CELSR1: variants seen among roughly 807,000 people sequenced by gnomAD.
CELSR1 encodes the protein cadherin EGF LAG seven-pass G-type receptor 1.
A neutral mutation model predicts 249.1 loss-of-function variants in CELSR1; 110 were observed. That is an observed-to-expected ratio of 0.44 (90% CI 0.38 to 0.52). CELSR1 has a LOEUF of 0.52. CELSR1 is among the 20% of genes least tolerant of loss of function. The probability of loss-of-function intolerance (pLI) is 0.00; values close to 1 mark genes in which losing one functional copy is unlikely to be tolerated. For missense variants in CELSR1, 4,109 were observed against 4,296.4 expected (o/e 0.96, Z 1.22); for synonymous variants, 2,113 against 1,900.0 (o/e 1.11, Z -2.92).
Position 46,389,472 on chromosome 22 carries a change from G to C in CELSR1, c.6373C>G (p.Gln2125Glu). Residue 2125 changes from glutamine (Q) to glutamate (E), a missense_variant, in exon 18 of 35, where the codon CAG (glutamine) becomes GAG (glutamate). Gln to Glu is a conservative substitution (Grantham distance 29, BLOSUM62 2). This residue lies in a region of CELSR1 where 1,805 missense variants were observed against 1,831.6 expected (regional missense o/e 0.99). Coordinates refer to ENST00000674500, the MANE Select transcript of CELSR1 (RefSeq NM_001378328.1). ...MNEKLSRNETQVDGARALQLV... is the reference protein window; with the variant it reads ...MNEKLSRNETEVDGARALQLV... ...TGCAGGGCCCTGGCGCCGTCCACCT[G>C]CGTCTCATTGCGGCTCAGCTTCTCA... 3 of 1,613,304 alleles carry C rather than the reference G, an allele frequency of 1.9e-6. No homozygotes were observed. The highest frequency in any genetic ancestry group is 1.7e-6 in the Non-Finnish European group (2 of 1,180,010).
At chr22:46,463,005 T>C (rs917515464) in intron 2 of CELSR1, 19 of 413,752 alleles carry the variant, frequency 4.6e-5, no homozygotes, top group African/African-American at 3.2e-4. Flanking sequence ...TCCACTGTTT[T>C]ACGCTAACCA....
Position 46,472,112 on chromosome 22 carries a change from C to T in CELSR1, c.3545-7767G>A, listed in dbSNP as rs748159255. On this transcript the variant is annotated intron_variant, in intron 1 of 34. Coordinates refer to ENST00000674500, the MANE Select transcript of CELSR1 (RefSeq NM_001378328.1). The surrounding 1 kb of genome is among the most constrained non-coding windows in gnomAD (Gnocchi z 7.0). ...GATCAAGTGCCATCCCCTGCTTTCCCGGGAAGGGTGAGTCACCTCATTGTG... is the reference window on the plus strand; with the variant it reads ...GATCAAGTGCCATCCCCTGCTTTCCTGGGAAGGGTGAGTCACCTCATTGTG... Among the ~76,000 whole-genome samples the T allele has an allele frequency of 6.6e-6, 1 of 152,144 alleles. No individual in the cohort carries two copies. Among genetic ancestry groups the T allele is most frequent in the Non-Finnish European group, 1.5e-5 (1 of 68,034 alleles).
At chr22:46,461,197 G>A (rs1345984098) in intron 2 of CELSR1, among the ~76,000 whole-genome samples, 1 of 152,174 alleles carries the variant, frequency 6.6e-6, no homozygotes, top group Non-Finnish European at 1.5e-5. Flanking sequence ...GAAATAATCA[G>A]TCTTAATTAG....
chr22:46,469,903 A>AC (rs2080136332), intron 1 of CELSR1, among the ~76,000 whole-genome samples: 4 of 67,400 alleles, frequency 5.9e-5, no homozygotes, highest in African/African-American at 2.3e-4. Context: ...TTCCTGCTGC[A>AC]TCCGTCACAT....
Position 46,436,423 on chromosome 22 carries a change from G to C in CELSR1, c.4407-134C>G, listed in dbSNP as rs1487144792. 4 of 626,528 alleles carry C rather than the reference G, an allele frequency of 6.4e-6. No individual in the cohort carries two copies. The Admixed American group carries it at 1.1e-4, about 17-fold the overall frequency. The allele number at this position is 626,528 out of a possible 1,614,324, so 38.8% of individuals were successfully genotyped here. ...CAGGAAAGAATGGTGTCAGGCATGCGTCCTTCTCATAGGAGCAGACAGCCC... is the reference window on the plus strand; with the variant it reads ...CAGGAAAGAATGGTGTCAGGCATGCCTCCTTCTCATAGGAGCAGACAGCCC... On this transcript the variant is annotated intron_variant, in intron 3 of 34. Coordinates refer to ENST00000674500, the MANE Select transcript of CELSR1 (RefSeq NM_001378328.1). This position sits in a 1 kb window ranked among gnomAD's most constrained non-coding sequence, Gnocchi z 5.9.
chr22:46,431,711 C>T (rs1361511840), intron 5 of CELSR1, among the ~76,000 whole-genome samples: 1 of 152,210 alleles, frequency 6.6e-6, no homozygotes, highest in South Asian at 2.1e-4. Flanking sequence ...CCCAGGTGAA[C>T]GCGCTTCACA....
chr22:46,438,317 G>C (rs183751493), intron 3 of CELSR1, among the ~76,000 whole-genome samples: 1 of 151,914 alleles, frequency 6.6e-6, no homozygotes, highest in Non-Finnish European at 1.5e-5. Flanking sequence ...AGAGGAGAAG[G>C]GGCTATGAAA....
rs538071500 is a variant in CELSR1 at position 46,429,662 on chromosome 22, G to C, written c.4611+3731C>G. Among the ~76,000 whole-genome samples the C allele has an allele frequency of 1.6e-4, 25 of 152,366 alleles. 1 individual carries two copies. Among genetic ancestry groups the C allele is most frequent in the Admixed American group, 5.9e-4 (9 of 15,308 alleles). On this transcript the variant is annotated intron_variant, in intron 5 of 34. Transcript: ENST00000674500. This position sits in a 1 kb window ranked among gnomAD's most constrained non-coding sequence, Gnocchi z 4.1. ...GCCTGGGAGGGTTCCCTACCCCATG[G>C]CTTCTGGTGGCTTTGGCCAGTGGGG...
chr22:46,388,898 G>C (rs1246749952), intron 18 of CELSR1, among the ~76,000 whole-genome samples: 1 of 152,196 alleles, frequency 6.6e-6, no homozygotes, highest in Non-Finnish European at 1.5e-5. Flanking sequence ...CTGTGCCTTT[G>C]GGCAAACGCC....
Position 46,399,835 on chromosome 22 carries a change from G to C in CELSR1, c.5294C>G (p.Ser1765Cys), listed in dbSNP as rs1268207781. The change falls in exon 10 of 35, where the codon TCC (serine) becomes TGC (cysteine). Residue 1765 changes from serine (S) to cysteine (C), a missense_variant. Physicochemically the swap from Ser to Cys is moderately radical, Grantham distance 112 (BLOSUM62 -1). Transcript: ENST00000674500. The surrounding 1 kb of genome is among the most constrained non-coding windows in gnomAD (Gnocchi z 5.0). ...CTCCCCGTCGGTCACCCGCAACCCG[G>C]ACAGCATCACGGACTCCACATCGGA... ...GPSDVESVML[S>C]GLRVTDGEWH... 3.1e-6 allele frequency: 5 copies of C among 1,614,140 alleles called. No homozygotes were observed. Among genetic ancestry groups the C allele is most frequent in the Non-Finnish European group, 4.2e-6 (5 of 1,179,990 alleles).
chr22:46,365,780 C>CTT, intron 30 of CELSR1, 91 bp from the exon 31 acceptor site: 1 of 888,356 alleles, frequency 1.1e-6, no homozygotes, highest in Non-Finnish European at 1.7e-6. Flanking sequence ...GCCCCTACCC[C>CTT]TTCTGTGTTC....
In CELSR1 at chr22:46,505,736, T is replaced by C. The variant is rs765039657; in HGVS notation, c.3544+27891A>G. Among the ~76,000 whole-genome samples the C allele has an allele frequency of 2.6e-5, 4 of 152,052 alleles. No homozygotes were observed. The East Asian group carries it at 7.7e-4, about 29-fold the overall frequency. On this transcript the variant is annotated intron_variant, in intron 1 of 34. Transcript: ENST00000674500. ...GTATATGTTTATACCCAAAGAAAAA[T>C]GTTCGGAAAGACACCCAGAAAGCGT...
chr22:46,452,245 C>A (rs1400832457), intron 2 of CELSR1, among the ~76,000 whole-genome samples: 1 of 152,122 alleles, frequency 6.6e-6, no homozygotes, highest in Admixed American at 6.5e-5. Flanking sequence ...GAAGCTGCAC[C>A]CCAAAGCCTC....
At chr22:46,478,534 TAAAGA>T (rs2080233293) in intron 1 of CELSR1, among the ~76,000 whole-genome samples, 1 of 151,310 alleles carries the variant, frequency 6.6e-6, no homozygotes, top group Non-Finnish European at 1.5e-5. Flanking sequence ...CTGTGGACAA[TAAAGA>T]TGAGAATTTT....
chr22:46,513,169 C>T (rs2080591055), intron 1 of CELSR1, among the ~76,000 whole-genome samples: 1 of 152,198 alleles, frequency 6.6e-6, no homozygotes, highest in Non-Finnish European at 1.5e-5. Flanking sequence ...GGGACTAGGC[C>T]ATGTGGGCTC....
At position 46,488,992 on chromosome 22, in the gene CELSR1, GTC is replaced by G. The variant is rs1296022428; in HGVS notation, c.3545-24649_3545-24648del. ...CCCTTTTGAGCATGCAGCAGTTGGG[GTC>G]ACCGTGGCAGTAAGGGACATGTCAG... is the stretch of plus-strand genomic sequence containing the variant. On this transcript the variant is annotated intron_variant, in intron 1 of 34. Coordinates refer to ENST00000674500, the MANE Select transcript of CELSR1 (RefSeq NM_001378328.1). This position sits in a 1 kb window ranked among gnomAD's most constrained non-coding sequence, Gnocchi z 4.7. Among the ~76,000 whole-genome samples, 1 of 152,004 alleles carries G rather than the reference GTC, an allele frequency of 6.6e-6. No homozygotes were observed. Among genetic ancestry groups the G allele is most frequent in the African/African-American group, 2.4e-5 (1 of 41,404 alleles).
Position 46,366,479 on chromosome 22 carries a change from C to G in CELSR1, c.8207G>C (p.Arg2736Pro), listed in dbSNP as rs1266234439. ...SATTRATLLT[R>P]SLNCNTTFGD... ...GAAGGTGGTGTTGCAGTTGAGGGAG[C>G]GCTGAAGGGAGGGGAGGGGCTGGTC... The change falls in exon 30 of 35, where the codon CGC becomes CCC. Residue 2736 changes from arginine (R) to proline (P), a missense_variant and splice_region_variant. Arg to Pro is a moderately radical substitution (Grantham distance 103, BLOSUM62 -2). This residue lies in a region of CELSR1 where 1,805 missense variants were observed against 1,831.6 expected (regional missense o/e 0.99). Coordinates refer to ENST00000674500, the MANE Select transcript of CELSR1 (RefSeq NM_001378328.1). 3 of 1,549,968 alleles carry G rather than the reference C, an allele frequency of 1.9e-6. No individual in the cohort carries two copies. The highest frequency in any genetic ancestry group is 1.7e-4 in the Middle Eastern group (1 of 5,982).
At position 46,534,012 on chromosome 22, in the gene CELSR1, G is replaced by A. The variant is rs770537349; in HGVS notation, c.3159C>T (p.Asn1053=). ...GCTCCACCATGGCACGCAGGTCCCC[G>A]TTGAGCAGGTCCAGCTGGAAGAAAT... The part of the protein sequence containing the change: ...MRHFFQLDLL[N]GDLRAMVELD... The change falls in exon 1 of 35, where the codon AAC becomes AAT. Residue 1053 remains asparagine, a synonymous_variant. Coordinates refer to ENST00000674500, the MANE Select transcript of CELSR1 (RefSeq NM_001378328.1). This position sits in a 1 kb window ranked among gnomAD's most constrained non-coding sequence, Gnocchi z 9.7. The A allele has an allele frequency of 2.1e-5, 34 of 1,613,546 alleles. No individual in the cohort carries two copies. The highest frequency in any genetic ancestry group is 4.0e-5 in the African/African-American group (3 of 74,910).
chr22:46,427,331 T>A lies in CELSR1; in HGVS notation c.4611+6062A>T, dbSNP rs1235762215. 6.6e-6 allele frequency among the ~76,000 whole-genome samples: 1 copy of A among 151,778 alleles called. No individual in the cohort carries two copies. Among genetic ancestry groups the A allele is most frequent in the East Asian group, 1.9e-4 (1 of 5,176 alleles). ...CAGGGAGATCACCTGAGGTCAGGAG[T>A]TTGAAAACAACCTGGCCAACATGGT... On this transcript the variant is annotated intron_variant, in intron 5 of 34. Transcript: ENST00000674500. This position sits in a 1 kb window ranked among gnomAD's most constrained non-coding sequence, Gnocchi z 4.2.
Sources: allele counts gnomAD v4.1 joint callset (sites outside exome capture counted in the v4.1 genomes callset), GRCh38; gene constraint gnomAD v4.1.1; regional missense constraint gnomAD v4.1.1; non-coding constraint Gnocchi (gnomAD v3.1); transcripts MANE v1.5; gene names NCBI Gene and HGNC (gene_info 2026-07-23, HGNC 2026-07-21).